Variants in NFIA observed in about 807,000 individuals in gnomAD.
The protein encoded by NFIA is nuclear factor I A.
NFIA carries 8 observed loss-of-function variants against 62.8 expected under a neutral mutation model. The ratio of observed to expected loss-of-function variants is 0.13; its 90% CI spans 0.07 to 0.23. The LOEUF (loss-of-function observed/expected upper bound fraction) is 0.23, where lower values mean the gene tolerates loss of function less well. NFIA is among the 10% of genes least tolerant of loss of function. The probability of loss-of-function intolerance (pLI) is 1.00; values close to 1 mark genes in which losing one functional copy is unlikely to be tolerated. For missense variants in NFIA, 410 were observed against 642.1 expected, an observed-to-expected ratio of 0.64 and a Z score of 3.91; for synonymous variants, 235 against 238.1, an observed-to-expected ratio of 0.99 and a Z score of 0.12.
chr1:61,147,922 A>T (rs1648124829), intron 2 of NFIA, among the ~76,000 whole-genome samples: 1 of 152,096 alleles, frequency 6.6e-6, no homozygotes. Flanking sequence ...ACATTATCCT[A>T]GGGGGTTGGC....
intron 2 of NFIA, among the ~76,000 whole-genome samples, chr1:61,099,828 C>T (rs1646478459): frequency 6.6e-6 from 1 of 152,146 alleles, no homozygotes; most frequent in South Asian, 2.1e-4. Context: ...TTTAAATTAG[C>T]CCTTCATATA....
At chr1:61,318,732 G>A (rs763510780) in intron 3 of NFIA, among the ~76,000 whole-genome samples, 1 of 152,150 alleles carries the variant, frequency 6.6e-6, no homozygotes, top group Non-Finnish European at 1.5e-5. Flanking sequence ...AAGGATGGAG[G>A]CAGATGACCC....
At chr1:61,081,647 TCA>T (rs1646096255), upstream of NFIA, 1 of 408,636 alleles carries the variant, frequency 2.4e-6, no homozygotes, top group Non-Finnish European at 4.5e-6. Context: ...CCCACTAGTT[TCA>T]CAGTCCTGGG....
At chr1:61,354,369 A>C (rs1038385748) in intron 5 of NFIA, among the ~76,000 whole-genome samples, 18 of 152,324 alleles carry the variant, frequency 1.2e-4, no homozygotes, top group African/African-American at 3.6e-4. Context: ...GCCCAGAAGA[A>C]TATCTCAGAT....
At chr1:61,263,543 C>T (rs1202598766) in intron 2 of NFIA, among the ~76,000 whole-genome samples, 1 of 152,048 alleles carries the variant, frequency 6.6e-6, no homozygotes, top group African/African-American at 2.4e-5. Flanking sequence ...AACCGTAAAG[C>T]CAAGAGATAA....
intron 6 of NFIA, among the ~76,000 whole-genome samples, chr1:61,375,228 T>A (rs1298047138): frequency 6.6e-6 from 1 of 152,162 alleles, no homozygotes; most frequent in Non-Finnish European, 1.5e-5. Context: ...TGAGTGTAAA[T>A]CTGATGGTGG....
chr1:61,367,377 C>T (rs1178294083), intron 6 of NFIA, among the ~76,000 whole-genome samples: 1 of 152,190 alleles, frequency 6.6e-6, no homozygotes, highest in African/African-American at 2.4e-5. Context: ...ATTAAATCTC[C>T]CATCATCTCT....
intron 2 of NFIA, among the ~76,000 whole-genome samples, chr1:61,106,332 C>T (rs1271948882): frequency 6.6e-6 from 1 of 151,722 alleles, no homozygotes; most frequent in African/African-American, 2.4e-5. Context: ...CTGGATAATG[C>T]ATTTTAAGTC....
chr1:61,433,937 C>T (rs1406947836), intron 10 of NFIA, among the ~76,000 whole-genome samples: 3 of 152,198 alleles, frequency 2.0e-5, no homozygotes, highest in Non-Finnish European at 4.4e-5. Flanking sequence ...TCAGAACCTA[C>T]TTACCAAAAG....
At chr1:61,124,542 A>G (rs1223141348) in intron 2 of NFIA, among the ~76,000 whole-genome samples, 1 of 152,188 alleles carries the variant, frequency 6.6e-6, no homozygotes, top group Non-Finnish European at 1.5e-5. Flanking sequence ...GAGAGATTCA[A>G]ATTATCAGCA....
Position 61,371,455 on chromosome 1 carries a change from C to A in NFIA, c.947-11782C>A, listed in dbSNP as rs138060753. Among the ~76,000 whole-genome samples the A allele has an allele frequency of 2.4e-3, 361 of 152,076 alleles. 5 individuals are homozygous for A. The highest frequency in any genetic ancestry group is 8.3e-3 in the African/African-American group (344 of 41,488). The stretch of plus-strand genomic sequence containing the variant: ...TATCAGCATTGAAACCTTAACATAC[C>A]TTTCATTTAGAATAAAAAAAAATCT... On this transcript the variant is annotated intron_variant, in intron 6 of 10. Transcript: ENST00000403491.
At chr1:61,295,107 G>C (rs1226269448) in intron 3 of NFIA, among the ~76,000 whole-genome samples, 1 of 152,108 alleles carries the variant, frequency 6.6e-6, no homozygotes, top group Non-Finnish European at 1.5e-5. Flanking sequence ...TCCACATCTG[G>C]GTCTTCCGTC....
chr1:61,152,772 G>T (rs1398088213), intron 2 of NFIA, among the ~76,000 whole-genome samples: 1 of 152,160 alleles, frequency 6.6e-6, no homozygotes, highest in Non-Finnish European at 1.5e-5. Context: ...CACTAAAGTG[G>T]CTTCTGTTTG....
chr1:61,297,799 A>G (rs1659267621), intron 3 of NFIA, among the ~76,000 whole-genome samples: 1 of 152,212 alleles, frequency 6.6e-6, no homozygotes, highest in Non-Finnish European at 1.5e-5. Context: ...GGAAAAGAGA[A>G]TGCTTTAATT....
At chr1:61,383,799 C>T (rs1167844220) in intron 7 of NFIA, among the ~76,000 whole-genome samples, 6 of 152,188 alleles carry the variant, frequency 3.9e-5, no homozygotes, top group Admixed American at 1.3e-4. Flanking sequence ...TTTCTCATCC[C>T]TGCTGACTCT....
intron 2 of NFIA, among the ~76,000 whole-genome samples, chr1:61,091,591 T>C (rs1392357595): frequency 2.1e-4 from 32 of 152,220 alleles, no homozygotes; most frequent in Admixed American, 2.1e-3. Flanking sequence ...GTCCTTCCCA[T>C]GTATCATATG....
intron 6 of NFIA, among the ~76,000 whole-genome samples, chr1:61,361,036 A>T (rs1663262784): frequency 6.6e-6 from 1 of 151,930 alleles, no homozygotes; most frequent in African/African-American, 2.4e-5. Context: ...GCTCTCAAGG[A>T]ATTCACAGTC....
intron 3 of NFIA, among the ~76,000 whole-genome samples, chr1:61,304,317 T>C (rs41492448): frequency 0.014 from 2,073 of 152,276 alleles, 33 homozygotes; most frequent in African/African-American, 0.047. Flanking sequence ...GGTGACATCA[T>C]TGAGCTATGC....
chr1:61,088,358 G>A lies in NFIA; in HGVS notation c.237G>A (p.Leu79=). Residue 79 remains leucine, a synonymous_variant, in exon 2 of 11, where the codon TTG becomes TTA. Transcript: ENST00000403491. The surrounding 1 kb of genome is among the most constrained non-coding windows in gnomAD (Gnocchi z 4.5). ...GGGCATCTCGACTTCTGGCAAAGTT[G>A]CGGAAAGATATCCGACCCGAATATC... The part of the protein sequence containing the change: ...QKWASRLLAK[L]RKDIRPEYRE... 1 of 1,613,686 alleles carries A rather than the reference G, an allele frequency of 6.2e-7. No individual in the cohort carries two copies. Among genetic ancestry groups the A allele is most frequent in the East Asian group, 2.2e-5 (1 of 44,800 alleles).
Sources: gnomAD v4.1 joint callset for allele counts (sites outside exome capture counted in the v4.1 genomes callset) on GRCh38, gnomAD v4.1.1 for gene constraint, Gnocchi (gnomAD v3.1) non-coding constraint, MANE v1.5 for transcripts, NCBI Gene and HGNC (gene_info 2026-07-23, HGNC 2026-07-21) for gene names.